Variants in SENP7 observed in about 807,000 individuals in gnomAD.
SENP7 encodes SUMO specific peptidase 7.
A neutral mutation model predicts 141.2 loss-of-function variants in SENP7; 64 were observed. That is an observed-to-expected ratio of 0.45 (90% CI 0.37 to 0.56). The LOEUF (loss-of-function observed/expected upper bound fraction) is 0.56. Ranked by LOEUF, SENP7 falls within the 20% of genes least tolerant of loss-of-function variation. The pLI is 0.00. For synonymous variants in SENP7, 382 were observed against 426.4 expected, an observed-to-expected ratio of 0.90 and a Z score of 1.28; for missense variants, 1,025 against 1,212.2, an observed-to-expected ratio of 0.85 and a Z score of 2.29.
In SENP7 at chr3:101,384,833, C is replaced by T. The variant is rs548080927; in HGVS notation, c.678-12707G>A. Among the ~76,000 whole-genome samples, 9 of 152,296 alleles carry T rather than the reference C, an allele frequency of 5.9e-5. 1 individual carries two copies. Among genetic ancestry groups the T allele is most frequent in the African/African-American group, 1.7e-4 (7 of 41,566 alleles). ...CCACAAGGATCCTGTGACATCACCA[C>T]GATTGTAAGCTTCCTGAGGTCTCCC... On this transcript the variant is annotated intron_variant, in intron 6 of 23. Transcript: ENST00000394095.
rs758480457 is a variant in SENP7 at position 101,327,672 on chromosome 3, G to A, written c.3009C>T (p.Phe1003=). 26 of 1,595,182 alleles carry A rather than the reference G, an allele frequency of 1.6e-5. No homozygotes were observed. In the East Asian group the frequency reaches 5.9e-4, roughly 36 times the overall value. ...GVYLLQYVES[F]FKDPIVNFEL... ...TATTTATAGCTTCACATACCTTGAA[G>A]AAGCTTTCCACATACTGCAATAAAT... Residue 1003 remains phenylalanine, a synonymous_variant, in exon 23 of 24, where the codon TTC becomes TTT. Coordinates refer to ENST00000394095, the MANE Select transcript of SENP7 (RefSeq NM_020654.5).
chr3:101,503,265 T>C (rs1013635941), intron 1 of SENP7, among the ~76,000 whole-genome samples: 4 of 152,194 alleles, frequency 2.6e-5, no homozygotes, highest in Non-Finnish European at 4.4e-5. Context: ...ACACCAAATA[T>C]TGGTGAGAGA....
At chr3:101,384,179 TG>T (rs2060587613) in intron 6 of SENP7, among the ~76,000 whole-genome samples, 1 of 152,262 alleles carries the variant, frequency 6.6e-6, no homozygotes, top group Non-Finnish European at 1.5e-5. Context: ...AGAGCTGTAC[TG>T]TCACTCAATA....
At chr3:101,332,240 T>G (rs1330088480) in intron 18 of SENP7, 131 bp from the exon 19 acceptor site, 1 of 863,436 alleles carries the variant, frequency 1.2e-6, no homozygotes, top group African/African-American at 1.7e-5. Flanking sequence ...TAACATCTCA[T>G]TATAATATAG....
rs542552125 is a variant in SENP7 at position 101,444,614 on chromosome 3, T to C, written c.284+14341A>G. On this transcript the variant is annotated intron_variant, in intron 4 of 23. Transcript: ENST00000394095. Reference sequence around the variant, plus strand: ...GTAGGGACATGGATGAAATTGGAAATCATCATTCTCAGTAAACTATCGCAA... The same window carrying C: ...GTAGGGACATGGATGAAATTGGAAACCATCATTCTCAGTAAACTATCGCAA... Among the ~76,000 whole-genome samples the C allele has an allele frequency of 9.7e-3, 1,478 of 151,866 alleles. 28 individuals are homozygous for C. The highest frequency in any genetic ancestry group is 0.034 in the African/African-American group (1,396 of 41,416).
chr3:101,479,990 T>C (rs1438023675), intron 3 of SENP7, among the ~76,000 whole-genome samples: 3 of 124,542 alleles, frequency 2.4e-5, no homozygotes, highest in African/African-American at 9.4e-5. Context: ...AAGACCTCCA[T>C]GAGGAAAACT....
At chr3:101,496,847 G>C (rs542226030) in intron 2 of SENP7, among the ~76,000 whole-genome samples, 72 of 152,158 alleles carry the variant, frequency 4.7e-4, no homozygotes, top group Admixed American at 9.8e-4. Context: ...CAAAGTGCTG[G>C]GATTATAGGC....
intron 3 of SENP7, among the ~76,000 whole-genome samples, chr3:101,461,669 A>C (rs2063551954): frequency 6.6e-6 from 1 of 152,130 alleles, no homozygotes; most frequent in African/African-American, 2.4e-5. Flanking sequence ...TTCTCACCCT[A>C]AGTATAAAAC....
chr3:101,417,664 C>T lies in SENP7; in HGVS notation c.411G>A (p.Ser137=), dbSNP rs368202213. 4.3e-6 allele frequency: 7 copies of T among 1,613,758 alleles called. No individual in the cohort carries two copies. Among genetic ancestry groups the T allele is most frequent in the Middle Eastern group, 1.6e-4 (1 of 6,082 alleles). Reference sequence around the variant, plus strand: ...ATGTCTCTAGGCTGTCAACAGATGTCGAAGGCAATGAGTCTGATTGCACCT... The same window carrying T: ...ATGTCTCTAGGCTGTCAACAGATGTTGAAGGCAATGAGTCTGATTGCACCT... ...ANKVQSDSLP[S]TSVDSLETCQ... The change falls in exon 5 of 24, where the codon TCG becomes TCA. Residue 137 remains serine, a synonymous_variant. Coordinates refer to ENST00000394095, the MANE Select transcript of SENP7 (RefSeq NM_020654.5).
At chr3:101,363,042 C>A in intron 10 of SENP7, 1 of 260,386 alleles carries the variant, frequency 3.8e-6, no homozygotes, top group Non-Finnish European at 6.0e-6. Context: ...GTACTCACTC[C>A]CCTCTTACCT....
chr3:101,504,642 A>T (rs888993122), intron 1 of SENP7, among the ~76,000 whole-genome samples: 3 of 152,230 alleles, frequency 2.0e-5, no homozygotes, highest in Admixed American at 6.5e-5. Context: ...ACATATCTAC[A>T]TATACACAAT....
chr3:101,419,714 A>G (rs893184580), intron 4 of SENP7, among the ~76,000 whole-genome samples: 1 of 152,220 alleles, frequency 6.6e-6, no homozygotes, highest in African/African-American at 2.4e-5. Flanking sequence ...GCTTATGGGA[A>G]GCACGTAAGG....
chr3:101,345,034 G>C (rs1326743783), intron 13 of SENP7, among the ~76,000 whole-genome samples: 1 of 145,030 alleles, frequency 6.9e-6, no homozygotes, highest in East Asian at 2.0e-4. Context: ...GAAAGAATTT[G>C]GGCTTATTCT....
chr3:101,455,254 T>C (rs1270773898), intron 4 of SENP7, among the ~76,000 whole-genome samples: 1 of 152,154 alleles, frequency 6.6e-6, no homozygotes, highest in African/African-American at 2.4e-5. Context: ...GAACTAGGTT[T>C]CCTAGAGATG....
chr3:101,450,136 G>C (rs1269081249), intron 4 of SENP7, among the ~76,000 whole-genome samples: 2 of 152,292 alleles, frequency 1.3e-5, no homozygotes, highest in Non-Finnish European at 1.5e-5. Flanking sequence ...TAATGGTAAA[G>C]GGATCAATTC....
At chr3:101,434,331 G>GA (rs1233798228) in intron 4 of SENP7, among the ~76,000 whole-genome samples, 4 of 150,116 alleles carry the variant, frequency 2.7e-5, no homozygotes, top group Non-Finnish European at 4.5e-5. Flanking sequence ...TCAAAAAAAA[G>GA]AAAAAAACTT....
chr3:101,375,803 C>A (rs1362615423), intron 6 of SENP7, among the ~76,000 whole-genome samples: 3 of 152,132 alleles, frequency 2.0e-5, no homozygotes, highest in Admixed American at 6.5e-5. Context: ...AAGGAATGAA[C>A]TTGTGATAAG....
intron 4 of SENP7, among the ~76,000 whole-genome samples, chr3:101,450,298 G>A (rs2063077210): frequency 6.6e-6 from 1 of 151,862 alleles, no homozygotes; most frequent in African/African-American, 2.4e-5. Context: ...ACATTAGACA[G>A]ATCAACAAGA....
chr3:101,399,321 G>A (rs1245727952), intron 5 of SENP7, among the ~76,000 whole-genome samples: 1 of 152,196 alleles, frequency 6.6e-6, no homozygotes, highest in Non-Finnish European at 1.5e-5. Context: ...ATGCCATTGA[G>A]AGGCTTAAAA....
Sources: allele counts gnomAD v4.1 joint callset (sites outside exome capture counted in the v4.1 genomes callset), GRCh38; gene constraint gnomAD v4.1.1; transcripts MANE v1.5; gene names NCBI Gene and HGNC (gene_info 2026-07-23, HGNC 2026-07-21).